The following PEX5L variants were observed in gnomAD, a reference collection of about 807,000 sequenced individuals.
PEX5L encodes the protein peroxisomal biogenesis factor 5 like, also known as PEX5-related protein.
Under a neutral mutation model 84.0 loss-of-function variants are expected in PEX5L, and 30 were observed. The ratio of observed to expected loss-of-function variants is 0.36; its 90% CI spans 0.27 to 0.48. The LOEUF is 0.48. PEX5L is among the 20% of genes least tolerant of loss of function. The pLI, the probability that PEX5L is intolerant of heterozygous loss-of-function variation, is 0.99. For synonymous variants in PEX5L, 270 were observed against 283.1 expected (o/e 0.95, Z 0.46); for missense variants, 533 against 754.6 (o/e 0.71, Z 3.44).
chr3:179,933,565 T>C (rs1177490618), intron 2 of PEX5L, among the ~76,000 whole-genome samples: 1 of 152,224 alleles, frequency 6.6e-6, no homozygotes. Context: ...AAATTGGAAC[T>C]AGGAACACTG....
intron 4 of PEX5L, among the ~76,000 whole-genome samples, chr3:179,883,300 G>T (rs980138794): frequency 3.2e-4 from 48 of 152,302 alleles, no homozygotes; most frequent in African/African-American, 1.0e-3. Flanking sequence ...GGATGTCGCT[G>T]ACTTCACTTC....
chr3:179,958,760 CT>C (rs990507416), intron 2 of PEX5L, among the ~76,000 whole-genome samples: 1 of 152,086 alleles, frequency 6.6e-6, no homozygotes, highest in Non-Finnish European at 1.5e-5. Context: ...TGTCTTTATT[CT>C]TTTTTGTAGG....
intron 2 of PEX5L, among the ~76,000 whole-genome samples, chr3:179,915,603 A>G (rs559780763): frequency 7.9e-5 from 12 of 152,288 alleles, no homozygotes; most frequent in African/African-American, 2.6e-4. Context: ...GCCAGGAGGA[A>G]GGTAGAGAGC....
At chr3:179,902,854 T>C (rs1333016641) in intron 2 of PEX5L, among the ~76,000 whole-genome samples, 3 of 152,052 alleles carry the variant, frequency 2.0e-5, no homozygotes, top group Admixed American at 6.6e-5. Flanking sequence ...ACAGAAGAAA[T>C]TGAGATAGGT....
At chr3:180,001,348 TAA>T (rs1788389949) in intron 1 of PEX5L, among the ~76,000 whole-genome samples, 1 of 148,034 alleles carries the variant, frequency 6.8e-6, no homozygotes, top group Non-Finnish European at 1.5e-5. Flanking sequence ...ATAAAATATA[TAA>T]TATATATGGA....
At chr3:179,982,096 C>T (rs185783496) in intron 1 of PEX5L, among the ~76,000 whole-genome samples, 88 of 152,172 alleles carry the variant, frequency 5.8e-4, no homozygotes. Flanking sequence ...TTGTTTTTAA[C>T]GTATCAGAGG....
chr3:179,873,811 T>C (rs1043438132), intron 7 of PEX5L, among the ~76,000 whole-genome samples: 2 of 152,220 alleles, frequency 1.3e-5, no homozygotes, highest in Non-Finnish European at 2.9e-5. Flanking sequence ...CCCTGATACT[T>C]AGTAGCACTC....
At chr3:179,960,985 T>G (rs1781853043) in intron 2 of PEX5L, among the ~76,000 whole-genome samples, 1 of 152,222 alleles carries the variant, frequency 6.6e-6, no homozygotes, top group African/African-American at 2.4e-5. Context: ...ATTCACAAAT[T>G]ATACAAATGA....
intron 7 of PEX5L, among the ~76,000 whole-genome samples, chr3:179,860,136 G>A (rs367878878): frequency 7.2e-6 from 1 of 139,486 alleles, no homozygotes; most frequent in Non-Finnish European, 1.6e-5. Context: ...TGTTTTTTTT[G>A]GTCAACCTCT....
intron 7 of PEX5L, among the ~76,000 whole-genome samples, chr3:179,868,145 G>C: frequency 6.7e-6 from 1 of 148,594 alleles, no homozygotes; most frequent in East Asian, 2.0e-4. Flanking sequence ...CTCCCAAAGT[G>C]CTAGGATTAC....
chr3:179,816,901 C>T (rs976691856), intron 9 of PEX5L, among the ~76,000 whole-genome samples: 6 of 151,800 alleles, frequency 4.0e-5, no homozygotes, highest in African/African-American at 7.3e-5. Flanking sequence ...ATGCCACAAC[C>T]GAGATACGAC....
intron 2 of PEX5L, among the ~76,000 whole-genome samples, chr3:179,970,990 A>T (rs558497598): frequency 1.0e-3 from 155 of 152,130 alleles, no homozygotes; most frequent in Non-Finnish European, 2.0e-3. Flanking sequence ...GTCATTGTTT[A>T]TGCTCTATTA....
At chr3:180,036,139 A>C (rs561732735) in intron 1 of PEX5L, among the ~76,000 whole-genome samples, 1 of 152,346 alleles carries the variant, frequency 6.6e-6, no homozygotes, top group South Asian at 2.1e-4. Flanking sequence ...CACTTTAAAA[A>C]ATGAAACGAA....
chr3:179,960,038 T>A (rs527415111), intron 2 of PEX5L, among the ~76,000 whole-genome samples: 7 of 152,178 alleles, frequency 4.6e-5, no homozygotes, highest in Admixed American at 1.3e-4. Context: ...AGGCTTTATG[T>A]TTTGCTTATT....
At chr3:179,881,888 G>C (rs543612805) in intron 4 of PEX5L, among the ~76,000 whole-genome samples, 1 of 152,190 alleles carries the variant, frequency 6.6e-6, no homozygotes, top group Non-Finnish European at 1.5e-5. Context: ...CCTGAGATAC[G>C]AGGGATGTTT....
intron 1 of PEX5L, among the ~76,000 whole-genome samples, chr3:179,982,775 T>G (rs1786450771): frequency 6.6e-6 from 1 of 152,104 alleles, no homozygotes; most frequent in Non-Finnish European, 1.5e-5. Context: ...AACTGCATTC[T>G]TATAAAATTG....
At chr3:179,962,281 A>G (rs1782271552) in intron 2 of PEX5L, among the ~76,000 whole-genome samples, 1 of 152,184 alleles carries the variant, frequency 6.6e-6, no homozygotes, top group Admixed American at 6.6e-5. Context: ...AAGTATCATA[A>G]TTTAGAAAGG....
At chr3:179,858,026 G>C (rs1421259456) in intron 8 of PEX5L, among the ~76,000 whole-genome samples, 1 of 152,076 alleles carries the variant, frequency 6.6e-6, no homozygotes, top group Admixed American at 6.5e-5. Flanking sequence ...ATTATGGCTG[G>C]AAGTCTTTCC....
intron 2 of PEX5L, among the ~76,000 whole-genome samples, chr3:179,945,425 A>T (rs1443878010): frequency 3.9e-5 from 6 of 152,208 alleles, no homozygotes; most frequent in African/African-American, 1.4e-4. Flanking sequence ...GCCATTAAAT[A>T]ACTTTCTAAA....
Sources: gnomAD v4.1 joint callset for allele counts (sites outside exome capture counted in the v4.1 genomes callset) on GRCh38, gnomAD v4.1.1 for gene constraint, MANE v1.5 for transcripts, NCBI Gene and HGNC (gene_info 2026-07-23, HGNC 2026-07-21) for gene names.